The following NMT2 variants were observed in gnomAD, a reference collection of about 807,000 sequenced individuals.
NMT2 encodes the protein N-myristoyltransferase 2.
NMT2 carries 35 observed loss-of-function variants against 65.4 expected under a neutral mutation model. The ratio of observed to expected loss-of-function variants is 0.54; its 90% CI spans 0.41 to 0.71. NMT2 has a LOEUF of 0.71. Among genes scored for constraint, NMT2 ranks in the 30% least tolerant of loss-of-function variants. The pLI, the probability that NMT2 is intolerant of heterozygous loss-of-function variation, is 0.00. For synonymous variants in NMT2, 226 were observed against 231.8 expected, an observed-to-expected ratio of 0.98 and a Z score of 0.23; for missense variants, 489 against 611.3, an observed-to-expected ratio of 0.80 and a Z score of 2.11.
intron 7 of NMT2, among the ~76,000 whole-genome samples, chr10:15,129,786 G>C (rs45602139): frequency 3.3e-5 from 5 of 151,824 alleles, no homozygotes; most frequent in Non-Finnish European, 5.9e-5. Context: ...GCACATGCCT[G>C]TAATCCCAGC....
At chr10:15,127,554 A>AAAAAAAT (rs1846120837) in intron 8 of NMT2, among the ~76,000 whole-genome samples, 1 of 92,914 alleles carries the variant, frequency 1.1e-5, no homozygotes, top group African/African-American at 1.3e-4. Flanking sequence ...CTCAAAAAAA[A>AAAAAAAT]AAAAAAAAAA....
At chr10:15,157,191 G>A (rs905221029) in intron 1 of NMT2, among the ~76,000 whole-genome samples, 3 of 152,100 alleles carry the variant, frequency 2.0e-5, no homozygotes, top group Non-Finnish European at 2.9e-5. Flanking sequence ...CTATTTCCCC[G>A]GGGCACTGTG....
Position 15,119,493 on chromosome 10 carries a change from C to T in NMT2, c.1020G>A (p.Leu340=), listed in dbSNP as rs1589299219. 6.2e-7 allele frequency: 1 copy of T among 1,613,968 alleles called. No homozygotes were observed. Among genetic ancestry groups the T allele is most frequent in the South Asian group, 1.1e-5 (1 of 91,064 alleles). The change falls in exon 9 of 12, where the codon TTG becomes TTA. Residue 340 remains leucine, a synonymous_variant. Coordinates refer to ENST00000378165, the MANE Select transcript of NMT2 (RefSeq NM_004808.3). Reference sequence around the variant, plus strand: ...TGATATCTTTTGGTTCCATTGGTCTCAAACCTGAAGTCTTTGTAACCTTGT... The same window carrying T: ...TGATATCTTTTGGTTCCATTGGTCTTAAACCTGAAGTCTTTGTAACCTTGT... ...RLPDVTKTSG[L]RPMEPKDIKS... is the part of the protein sequence containing the mutation.
intron 9 of NMT2, among the ~76,000 whole-genome samples, chr10:15,118,537 C>T (rs1451536712): frequency 6.6e-6 from 1 of 151,624 alleles, no homozygotes; most frequent in Non-Finnish European, 1.5e-5. Flanking sequence ...AAAATTCCAT[C>T]TCAAAACAAA....
chr10:15,112,217 T>TAC (rs1554820299), intron 10 of NMT2, among the ~76,000 whole-genome samples: 1 of 7,688 alleles, frequency 1.3e-4, no homozygotes, highest in Non-Finnish European at 2.6e-4. Flanking sequence ...TATATATATA[T>TAC]TTTTTTTTTT....
At chr10:15,124,148 CA>C (rs1368737640) in intron 8 of NMT2, among the ~76,000 whole-genome samples, 1 of 152,152 alleles carries the variant, frequency 6.6e-6, no homozygotes, top group Non-Finnish European at 1.5e-5. Context: ...TGCTTTTTAT[CA>C]ACATCAAATT....
chr10:15,118,294 T>G (rs1284305560), intron 9 of NMT2, among the ~76,000 whole-genome samples: 1 of 152,170 alleles, frequency 6.6e-6, no homozygotes, highest in African/African-American at 2.4e-5. Flanking sequence ...TTCCAGCACT[T>G]TGGGAGGCCA....
chr10:15,156,720 A>G (rs549357611), intron 1 of NMT2, among the ~76,000 whole-genome samples: 1 of 152,210 alleles, frequency 6.6e-6, no homozygotes, highest in South Asian at 2.1e-4. Flanking sequence ...AACATGGTGA[A>G]ACCCCATTCT....
chr10:15,128,742 T>C (rs1589313313), intron 7 of NMT2, among the ~76,000 whole-genome samples: 1 of 152,194 alleles, frequency 6.6e-6, no homozygotes, highest in Non-Finnish European at 1.5e-5. Flanking sequence ...CGGTGGCTCA[T>C]GCCTGTAATC....
chr10:15,109,357 C>T (rs1306920249), intron 11 of NMT2, 142 bp from the exon 12 acceptor site: 5 of 990,538 alleles, frequency 5.0e-6, no homozygotes, highest in Non-Finnish European at 5.8e-6. Flanking sequence ...GGCGGATCAC[C>T]TGAGGTCAGG....
Position 15,154,854 on chromosome 10 carries a change from G to A in NMT2, c.111-13297C>T, listed in dbSNP as rs530701598. 1.1e-5 allele frequency: 9 copies of A among 783,054 alleles called. No homozygotes were observed. In the South Asian group the frequency reaches 1.2e-4, roughly 10 times the overall value. The allele number at this position is 783,054 out of a possible 1,614,324, so 48.5% of individuals were successfully genotyped here. The stretch of plus-strand genomic sequence containing the variant: ...CTTCTTCCTGCTCTTGCCATTCTTG[G>A]ACCCATAGCGCTTCATGGCCTCCAC... On this transcript the variant is annotated intron_variant, in intron 1 of 11. Coordinates refer to ENST00000378165, the MANE Select transcript of NMT2 (RefSeq NM_004808.3).
intron 9 of NMT2, 67 bp from the exon 10 acceptor site, chr10:15,113,030 C>A: frequency 6.9e-7 from 1 of 1,458,298 alleles, no homozygotes; most frequent in South Asian, 1.2e-5. Flanking sequence ...TTTCCACTAA[C>A]TCTGTTCTCT....
chr10:15,123,667 A>G (rs1328506687), intron 8 of NMT2, among the ~76,000 whole-genome samples: 2 of 152,242 alleles, frequency 1.3e-5, no homozygotes, highest in East Asian at 1.9e-4. Flanking sequence ...GTATAATGGA[A>G]TAGTGAAGCG....
chr10:15,155,391 T>C (rs928725340), intron 1 of NMT2: 35 of 640,176 alleles, frequency 5.5e-5, no homozygotes, highest in Non-Finnish European at 8.3e-5. Flanking sequence ...TTTTAAGAGA[T>C]TGGGTCTCAC....
At chr10:15,135,229 C>T (rs766584566) in intron 3 of NMT2, 45 bp downstream of exon 3, 2 of 1,565,814 alleles carry the variant, frequency 1.3e-6, no homozygotes, top group Non-Finnish European at 8.8e-7. Flanking sequence ...GTTGTTCATC[C>T]AGCTTTGTTT....
intron 1 of NMT2, among the ~76,000 whole-genome samples, chr10:15,158,915 AT>A (rs1833094100): frequency 6.6e-6 from 1 of 152,092 alleles, no homozygotes; most frequent in Non-Finnish European, 1.5e-5. Context: ...CTTGTAAGCT[AT>A]TTACCCCCCA....
intron 9 of NMT2, among the ~76,000 whole-genome samples, chr10:15,117,818 C>T (rs555199620): frequency 6.6e-6 from 1 of 152,304 alleles, no homozygotes; most frequent in South Asian, 2.1e-4. Flanking sequence ...TAGCTATACA[C>T]TTAAGAAAAC....
intron 10 of NMT2, 136 bp downstream of exon 10, chr10:15,112,660 T>G (rs976260920): frequency 1.2e-5 from 10 of 811,658 alleles, no homozygotes; most frequent in Non-Finnish European, 1.1e-5. Context: ...ATTCTTCCTT[T>G]GACTGATGAT....
At chr10:15,113,463 C>CAAA (rs1169255963) in intron 9 of NMT2, among the ~76,000 whole-genome samples, 529 of 36,966 alleles carry the variant, frequency 0.014, 79 homozygotes, top group African/African-American at 0.042. Flanking sequence ...GGATGAGACT[C>CAAA]AAAAAAAAAA....
Sources: gnomAD v4.1 joint callset for allele counts (sites outside exome capture counted in the v4.1 genomes callset) on GRCh38, gnomAD v4.1.1 for gene constraint, MANE v1.5 for transcripts, NCBI Gene and HGNC (gene_info 2026-07-23, HGNC 2026-07-21) for gene names.